POU6F2: variants seen among roughly 807,000 people sequenced by gnomAD.
The protein encoded by POU6F2 is POU domain, class 6, transcription factor 2.
In POU6F2, 31 loss-of-function variants were observed where a neutral mutation model predicts 71.3. The observed-to-expected ratio is 0.43, with a 90% CI of 0.33 to 0.59. The LOEUF (loss-of-function observed/expected upper bound fraction) is 0.59, where lower values mean the gene tolerates loss of function less well. Ranked by LOEUF, POU6F2 falls within the 20% of genes least tolerant of loss-of-function variation. The pLI, the probability that POU6F2 is intolerant of heterozygous loss-of-function variation, is 0.04. For missense variants in POU6F2, 783 were observed against 856.8 expected, an observed-to-expected ratio of 0.91 and a Z score of 1.07; for synonymous variants, 347 against 355.7, an observed-to-expected ratio of 0.98 and a Z score of 0.27.
At chr7:39,028,591 A>C (rs1439627757) in intron 1 of POU6F2, among the ~76,000 whole-genome samples, 1 of 152,092 alleles carries the variant, frequency 6.6e-6, no homozygotes, top group African/African-American at 2.4e-5. Flanking sequence ...GATATATATT[A>C]GATGTACCTT....
intron 2 of POU6F2, among the ~76,000 whole-genome samples, chr7:39,173,988 A>T (rs1793278420): frequency 6.6e-6 from 1 of 152,234 alleles, no homozygotes; most frequent in Non-Finnish European, 1.5e-5. Flanking sequence ...GAAATAACTG[A>T]AAAGAGAGTT....
At chr7:39,063,662 G>C (rs970414056) in intron 1 of POU6F2, among the ~76,000 whole-genome samples, 8 of 152,058 alleles carry the variant, frequency 5.3e-5, no homozygotes. Context: ...AAGATTGAGA[G>C]GGTTCTCTCA....
intron 5 of POU6F2, among the ~76,000 whole-genome samples, chr7:39,365,194 A>G (rs1786474554): frequency 1.3e-5 from 2 of 152,194 alleles, no homozygotes; most frequent in Non-Finnish European, 2.9e-5. Flanking sequence ...AGGCACATAG[A>G]CCAATGGAAC....
intron 2 of POU6F2, among the ~76,000 whole-genome samples, chr7:39,174,588 C>T (rs986702789): frequency 1.3e-4 from 20 of 152,130 alleles, no homozygotes; most frequent in Admixed American, 1.2e-3. Context: ...GGCCAAAGCC[C>T]TTAATCCCAT....
chr7:39,012,834 C>T (rs1313585186), intron 1 of POU6F2, among the ~76,000 whole-genome samples: 12 of 152,058 alleles, frequency 7.9e-5, no homozygotes, highest in South Asian at 2.1e-4. Context: ...AGTTAGGCTG[C>T]TCAGGGGTCA....
intron 1 of POU6F2, among the ~76,000 whole-genome samples, chr7:38,989,383 C>A (rs545455312): frequency 1.3e-5 from 2 of 151,922 alleles, no homozygotes; most frequent in African/African-American, 2.4e-5. Context: ...TAAAACTATT[C>A]TTTTATTAAA....
Position 39,464,125 on chromosome 7 carries a change from G to T in POU6F2, c.1659-57G>T. 1 of 1,555,810 alleles carries T rather than the reference G, an allele frequency of 6.4e-7. No homozygotes were observed. The highest frequency in any genetic ancestry group is 8.7e-7 in the Non-Finnish European group (1 of 1,147,312). Reference sequence around the variant, plus strand: ...AGGCAGTCAGGCAGGCAGGCAGGAGGCCCACCCTGGCAGAGGACTCAGTGT... The same window carrying T: ...AGGCAGTCAGGCAGGCAGGCAGGAGTCCCACCCTGGCAGAGGACTCAGTGT... On this transcript the variant is annotated intron_variant, in intron 9 of 9. Coordinates refer to ENST00000518318, the MANE Select transcript of POU6F2 (RefSeq NM_001370959.1). The surrounding 1 kb of genome is among the most constrained non-coding windows in gnomAD (Gnocchi z 4.1).
At chr7:39,424,769 C>T (rs1024213923) in intron 6 of POU6F2, among the ~76,000 whole-genome samples, 1 of 151,808 alleles carries the variant, frequency 6.6e-6, no homozygotes, top group Non-Finnish European at 1.5e-5. Flanking sequence ...ATATGTAACC[C>T]CAGATACTAT....
At chr7:39,122,231 G>A (rs1792057788) in intron 2 of POU6F2, among the ~76,000 whole-genome samples, 1 of 152,190 alleles carries the variant, frequency 6.6e-6, no homozygotes, top group African/African-American at 2.4e-5. Flanking sequence ...AGCTTAACTT[G>A]TGCATTTAGA....
intron 4 of POU6F2, among the ~76,000 whole-genome samples, chr7:39,312,846 C>A (rs1785192315): frequency 6.6e-6 from 1 of 152,200 alleles, no homozygotes; most frequent in Non-Finnish European, 1.5e-5. Flanking sequence ...TGCTTCACTT[C>A]CCGCAGGGGA....
intron 4 of POU6F2, among the ~76,000 whole-genome samples, chr7:39,228,391 G>T (rs967719618): frequency 6.6e-6 from 1 of 152,196 alleles, no homozygotes; most frequent in Admixed American, 6.5e-5. Flanking sequence ...GAAGTAGAAA[G>T]CACATAGCCC....
chr7:39,044,117 G>A (rs985963358), intron 1 of POU6F2, among the ~76,000 whole-genome samples: 1 of 151,768 alleles, frequency 6.6e-6, no homozygotes, highest in African/African-American at 2.4e-5. Flanking sequence ...ACACCCTAGG[G>A]GATTCTTACG....
At chr7:39,433,036 C>T in intron 6 of POU6F2, 41 bp from the exon 7 acceptor site, 1 of 1,606,026 alleles carries the variant, frequency 6.2e-7, no homozygotes, top group Non-Finnish European at 8.5e-7. Flanking sequence ...TGCACAGACC[C>T]TTCACCGAGC....
At chr7:39,403,744 C>T (rs750427475) in intron 5 of POU6F2, among the ~76,000 whole-genome samples, 3 of 152,210 alleles carry the variant, frequency 2.0e-5, no homozygotes, top group Admixed American at 2.0e-4. Flanking sequence ...CCAACCCCTT[C>T]ACTTCCCTCC....
intron 1 of POU6F2, among the ~76,000 whole-genome samples, chr7:38,979,523 A>G (rs1331348078): frequency 6.6e-6 from 1 of 152,184 alleles, no homozygotes; most frequent in Non-Finnish European, 1.5e-5. Context: ...TTGTTCTATA[A>G]GCATATATAA....
chr7:39,292,293 T>C (rs1166908391), intron 4 of POU6F2, among the ~76,000 whole-genome samples: 4 of 152,188 alleles, frequency 2.6e-5, no homozygotes, highest in Non-Finnish European at 5.9e-5. Context: ...ATGCATCCAG[T>C]GAATTTTGAT....
In POU6F2 at chr7:39,464,523, C is replaced by T; in HGVS notation, c.2000C>T (p.Thr667Ile). The T allele has an allele frequency of 6.2e-7, 1 of 1,613,548 alleles. No homozygotes were observed. Among genetic ancestry groups the T allele is most frequent in the Non-Finnish European group, 8.5e-7 (1 of 1,179,726 alleles). Residue 667 changes from threonine to isoleucine, a missense_variant, in exon 10 of 10, where the codon ACC becomes ATC. By Grantham distance (89) the Thr-to-Ile change is moderately conservative. Transcript: ENST00000518318. The surrounding 1 kb of genome is among the most constrained non-coding windows in gnomAD (Gnocchi z 4.1). ...KNTHPSGQEMTEIAEKLNYDR... is the reference protein window; with the variant it reads ...KNTHPSGQEMIEIAEKLNYDR... ...ACACACCCTTCTGGGCAGGAAATGACCGAAATTGCTGAGAAGCTGAACTAT... is the reference window on the plus strand; with the variant it reads ...ACACACCCTTCTGGGCAGGAAATGATCGAAATTGCTGAGAAGCTGAACTAT...
chr7:39,336,455 T>G (rs955774045), intron 4 of POU6F2, among the ~76,000 whole-genome samples: 1 of 152,206 alleles, frequency 6.6e-6, no homozygotes, highest in African/African-American at 2.4e-5. Flanking sequence ...TTACTCTTCT[T>G]GTTTTTCCTT....
chr7:39,033,244 C>T (rs538949391), intron 1 of POU6F2, among the ~76,000 whole-genome samples: 2 of 152,260 alleles, frequency 1.3e-5, no homozygotes, highest in African/African-American at 2.4e-5. Flanking sequence ...GGCTACCCGG[C>T]GAACTGATAT....
Sources: gnomAD v4.1 joint callset for allele counts (sites outside exome capture counted in the v4.1 genomes callset) on GRCh38, gnomAD v4.1.1 for gene constraint, Gnocchi (gnomAD v3.1) non-coding constraint, MANE v1.5 for transcripts, NCBI Gene and HGNC (gene_info 2026-07-23, HGNC 2026-07-21) for gene names.